Variants in PWP1 observed in about 807,000 individuals in gnomAD.
PWP1 encodes periodic tryptophan protein 1 homolog.
A neutral mutation model predicts 69.9 loss-of-function variants in PWP1; 47 were observed. The ratio of observed to expected loss-of-function variants is 0.67; its 90% CI spans 0.53 to 0.86. The LOEUF (loss-of-function observed/expected upper bound fraction) is 0.86, where lower values mean the gene tolerates loss of function less well. Ranked by LOEUF, PWP1 falls within the 40% of genes least tolerant of loss-of-function variation. The pLI is 0.00. For synonymous variants in PWP1, 222 were observed against 208.2 expected (o/e 1.07, Z -0.57); for missense variants, 551 against 608.8 (o/e 0.91, Z 1.00).
intron 5 of PWP1, among the ~76,000 whole-genome samples, chr12:107,694,116 C>T (rs909023930): frequency 2.6e-5 from 4 of 152,056 alleles, no homozygotes; most frequent in African/African-American, 4.8e-5. Flanking sequence ...AATGGCTTGC[C>T]TCACTTTGGT....
intron 11 of PWP1, among the ~76,000 whole-genome samples, chr12:107,707,525 C>T (rs1264582631): frequency 2.0e-5 from 3 of 152,180 alleles, no homozygotes; most frequent in African/African-American, 4.8e-5. Context: ...ATGATATTGG[C>T]TGTGGGTTTG....
At chr12:107,694,923 G>A (rs141495217) in intron 5 of PWP1, among the ~76,000 whole-genome samples, 9 of 152,052 alleles carry the variant, frequency 5.9e-5, no homozygotes, top group African/African-American at 1.5e-4. Context: ...AAACTGATCC[G>A]AATATTGATC....
intron 8 of PWP1, among the ~76,000 whole-genome samples, chr12:107,702,154 C>G (rs556765584): frequency 6.6e-6 from 1 of 152,212 alleles, no homozygotes; most frequent in Non-Finnish European, 1.5e-5. Context: ...GTTTTGATGC[C>G]AGGAAATATG....
intron 1 of PWP1, among the ~76,000 whole-genome samples, chr12:107,686,685 C>T (rs1336134515): frequency 1.3e-5 from 2 of 152,072 alleles, no homozygotes; most frequent in African/African-American, 4.8e-5. Context: ...GAAAAAGTCC[C>T]GCCGGGCGCG....
chr12:107,698,831 G>A (rs1222222544), intron 7 of PWP1, among the ~76,000 whole-genome samples: 1 of 152,186 alleles, frequency 6.6e-6, no homozygotes, highest in Non-Finnish European at 1.5e-5. Flanking sequence ...GGCCTCAAGC[G>A]ATGTTCCCAC....
At chr12:107,692,959 T>G (rs780606764) in intron 4 of PWP1, 41 bp from the exon 5 acceptor site, 3 of 1,613,254 alleles carry the variant, frequency 1.9e-6, no homozygotes, top group Non-Finnish European at 2.5e-6. Context: ...CCTTACTGGC[T>G]CTCTGCTTCT....
rs759470214 is a variant in PWP1 at position 107,696,441 on chromosome 12, ATACAT to A, written c.503-30_503-26del. The A allele has an allele frequency of 9.3e-6, 15 of 1,605,256 alleles. No individual in the cohort carries two copies. In the African/African-American group the frequency reaches 1.6e-4, roughly 17 times the overall value. The stretch of plus-strand genomic sequence containing the variant: ...ATGTGATTTTTGATGACTCATTCTG[ATACAT>A]TAAAGTCTCTTTTCCCAATCTTTTC... On this transcript the variant is annotated intron_variant, in intron 5 of 14. Coordinates refer to ENST00000412830, the MANE Select transcript of PWP1 (RefSeq NM_007062.3).
chr12:107,696,383 G>A (rs961909183), intron 5 of PWP1, 91 bp from the exon 6 acceptor site: 15 of 1,517,588 alleles, frequency 9.9e-6, no homozygotes, highest in African/African-American at 2.8e-5. Flanking sequence ...CATGGCTCAC[G>A]TACATTTAAT....
intron 3 of PWP1, among the ~76,000 whole-genome samples, chr12:107,690,529 T>G (rs1034207828): frequency 2.6e-5 from 4 of 152,184 alleles, no homozygotes; most frequent in African/African-American, 4.8e-5. Flanking sequence ...TGTAGTGCAA[T>G]CTCGGCTCAC....
At chr12:107,705,035 A>G (rs1160450824) in intron 11 of PWP1, among the ~76,000 whole-genome samples, 1 of 152,062 alleles carries the variant, frequency 6.6e-6, no homozygotes, top group Non-Finnish European at 1.5e-5. Context: ...TACTAAGCAT[A>G]GTTAGTATTT....
chr12:107,693,293 T>A (rs1400401612), intron 5 of PWP1, among the ~76,000 whole-genome samples, 197 bp downstream of exon 5: 1 of 152,210 alleles, frequency 6.6e-6, no homozygotes, highest in Non-Finnish European at 1.5e-5. Context: ...CTTTGGTATC[T>A]GAATTTTCTA....
intron 11 of PWP1, among the ~76,000 whole-genome samples, chr12:107,707,610 T>G (rs574086804): frequency 6.6e-6 from 1 of 152,334 alleles, no homozygotes; most frequent in East Asian, 1.9e-4. Context: ...CATGAAGGGC[T>G]GTTGAATTTT....
chr12:107,699,297 A>T, intron 7 of PWP1, 76 bp from the exon 8 acceptor site: 1 of 1,111,604 alleles, frequency 9.0e-7, no homozygotes, highest in Admixed American at 2.0e-5. Flanking sequence ...GGTTTAAAGA[A>T]TTTTGCAGAT....
rs1452018332 is a variant in PWP1 at position 107,712,180 on chromosome 12, C to T, written c.1466C>T (p.Pro489Leu). 3 of 1,614,016 alleles carry T rather than the reference C, an allele frequency of 1.9e-6. No homozygotes were observed. The highest frequency in any genetic ancestry group is 2.2e-5 in the East Asian group (1 of 44,874). ...GSARNSSISGPFGSRSSDTPM... is the reference protein window; with the variant it reads ...GSARNSSISGLFGSRSSDTPM... ...GCAAGAAATTCATCTATTAGTGGCC[C>T]TTTTGGCAGCAGGAGCTCAGATACA... Residue 489 changes from proline to leucine, a missense_variant, in exon 15 of 15, where the codon CCT (proline) becomes CTT (leucine). Transcript: ENST00000412830.
chr12:107,690,487 G>A (rs933682777), intron 3 of PWP1, among the ~76,000 whole-genome samples: 2 of 152,112 alleles, frequency 1.3e-5, no homozygotes, highest in East Asian at 1.9e-4. Context: ...TGTGTGAGAC[G>A]GAGTCTTGCT....
At chr12:107,703,796 A>C (rs754463694) in intron 10 of PWP1, 50 bp downstream of exon 10, 1 of 1,512,998 alleles carries the variant, frequency 6.6e-7, no homozygotes, top group Non-Finnish European at 9.2e-7. Flanking sequence ...ATCCTCTAGA[A>C]GTCATTTTAA....
intron 8 of PWP1, among the ~76,000 whole-genome samples, chr12:107,700,422 A>G (rs1223534375): frequency 6.6e-6 from 1 of 152,212 alleles, no homozygotes; most frequent in African/African-American, 2.4e-5. Context: ...TCTCATATGA[A>G]TGGAATCATA....
At position 107,707,063 on chromosome 12, in the gene PWP1, T is replaced by C. The variant is rs568194051; in HGVS notation, c.1078-1863T>C. Among the ~76,000 whole-genome samples, 1,042 of 151,902 alleles carry C rather than the reference T, an allele frequency of 6.9e-3. 12 individuals are homozygous for C. Among genetic ancestry groups the C allele is most frequent in the African/African-American group, 0.024 (981 of 41,312 alleles). ...AATGTTCTTCCATTTGTTTGTGTCC[T>C]CTTTTATTTCGTTGAGCAGTGGTTT... On this transcript the variant is annotated intron_variant, in intron 11 of 14. Transcript: ENST00000412830.
At chr12:107,709,329 G>A in intron 13 of PWP1, 97 bp downstream of exon 13, 1 of 1,437,194 alleles carries the variant, frequency 7.0e-7, no homozygotes, top group Non-Finnish European at 9.5e-7. Context: ...TGGAACTATT[G>A]CATTAACAAA....
Sources: gnomAD v4.1 joint callset for allele counts (sites outside exome capture counted in the v4.1 genomes callset) on GRCh38, gnomAD v4.1.1 for gene constraint, MANE v1.5 for transcripts, NCBI Gene and HGNC (gene_info 2026-07-23, HGNC 2026-07-21) for gene names.